The following ZFHX3 variants were observed in gnomAD, a reference collection of about 807,000 sequenced individuals.
ZFHX3 encodes the protein zinc finger homeobox protein 3.
ZFHX3 carries 42 observed loss-of-function variants against 279.1 expected under a neutral mutation model. That is an observed-to-expected ratio of 0.15 (90% CI 0.12 to 0.19). The LOEUF is 0.19. Ranked by LOEUF, ZFHX3 falls within the 10% of genes least tolerant of loss-of-function variation. The probability of loss-of-function intolerance (pLI) is 1.00; values close to 1 mark genes in which losing one functional copy is unlikely to be tolerated. For missense variants in ZFHX3, 4,981 were observed against 4,754.0 expected (o/e 1.05, Z -1.40); for synonymous variants, 2,293 against 1,957.8 (o/e 1.17, Z -4.52).
intron 3 of ZFHX3, among the ~76,000 whole-genome samples, chr16:73,369,749 AG>A (rs1450616246): frequency 6.6e-6 from 1 of 152,218 alleles, no homozygotes; most frequent in Non-Finnish European, 1.5e-5. Flanking sequence ...GATATTAAAA[AG>A]TTCAAGGTGA....
At chr16:72,879,077 T>C (rs1195660324) in intron 4 of ZFHX3, among the ~76,000 whole-genome samples, 1 of 152,150 alleles carries the variant, frequency 6.6e-6, no homozygotes, top group Non-Finnish European at 1.5e-5. Flanking sequence ...AAGCAGGATG[T>C]GACTTGCCCT....
At chr16:73,631,919 T>G (rs990248553) in intron 2 of ZFHX3, among the ~76,000 whole-genome samples, 1 of 109,318 alleles carries the variant, frequency 9.1e-6, no homozygotes, top group African/African-American at 3.2e-5. Flanking sequence ...TCTCTCTCTC[T>G]CTCTCTCTCA....
At chr16:73,670,314 C>T (rs977015750) in intron 2 of ZFHX3, among the ~76,000 whole-genome samples, 2 of 152,182 alleles carry the variant, frequency 1.3e-5, no homozygotes, top group Admixed American at 6.5e-5. Flanking sequence ...AAGAGAGAGG[C>T]CAACACCTCC....
chr16:72,817,424 A>G (rs1334447154), intron 5 of ZFHX3, among the ~76,000 whole-genome samples: 1 of 152,222 alleles, frequency 6.6e-6, no homozygotes, highest in East Asian at 1.9e-4. Context: ...CATCAAAGAT[A>G]AGCCTGAAGA....
rs1469171699 is a variant in ZFHX3, at chr16:73,778,439, G to A, written c.-1607-98199C>T. 2.0e-5 allele frequency among the ~76,000 whole-genome samples: 3 copies of A among 152,148 alleles called. 1 individual carries two copies. Among genetic ancestry groups the A allele is most frequent in the Admixed American group, 2.0e-4 (3 of 15,270 alleles). On this transcript the variant is annotated intron_variant, in intron 1 of 17. Coordinates refer to the ZFHX3 transcript ENST00000641206. ...ACAAAAGTTGTATTGAATGGATGGTGAAAATATTTTGCAAAATAACATGTT... is the reference window on the plus strand; with the variant it reads ...ACAAAAGTTGTATTGAATGGATGGTAAAAATATTTTGCAAAATAACATGTT...
chr16:73,067,566 A>G (rs1325950040), intron 8 of ZFHX3, among the ~76,000 whole-genome samples: 1 of 152,116 alleles, frequency 6.6e-6, no homozygotes, highest in Non-Finnish European at 1.5e-5. Context: ...TGTCCCTGGG[A>G]TCCTGCCCTG....
At chr16:73,765,365 T>C (rs940095296) in intron 1 of ZFHX3, among the ~76,000 whole-genome samples, 2 of 152,186 alleles carry the variant, frequency 1.3e-5, no homozygotes, top group African/African-American at 4.8e-5. Flanking sequence ...TGTGTGTATA[T>C]GGGGGAAATA....
At chr16:73,304,781 CCTCT>C (rs1483818254) in intron 4 of ZFHX3, among the ~76,000 whole-genome samples, 3 of 152,316 alleles carry the variant, frequency 2.0e-5, no homozygotes, top group East Asian at 1.9e-4. Flanking sequence ...CACCGCCTGA[CCTCT>C]CTAAGAGCAG....
intron 1 of ZFHX3, among the ~76,000 whole-genome samples, chr16:73,806,207 G>A (rs1013710177): frequency 1.3e-5 from 2 of 152,150 alleles, no homozygotes; most frequent in African/African-American, 4.8e-5. Context: ...CTTGACACGT[G>A]GGGATTATTA....
intron 9 of ZFHX3, 28 bp from the exon 10 acceptor site, chr16:72,788,876 G>T: frequency 6.6e-7 from 1 of 1,514,500 alleles, no homozygotes; most frequent in Non-Finnish European, 8.8e-7. Flanking sequence ...AGAAATCACC[G>T]GTCAGTCTGG....
chr16:73,857,084 A>G (rs987527039), intron 1 of ZFHX3, among the ~76,000 whole-genome samples: 2 of 152,248 alleles, frequency 1.3e-5, no homozygotes, highest in African/African-American at 4.8e-5. Flanking sequence ...AAGGTAGTCA[A>G]TATTGATTAT....
intron 4 of ZFHX3, among the ~76,000 whole-genome samples, chr16:73,301,497 T>C (rs2015054900): frequency 6.6e-6 from 1 of 152,176 alleles, no homozygotes; most frequent in Admixed American, 6.5e-5. Context: ...AGATGCCTAC[T>C]GGAACCTCCA....
intron 3 of ZFHX3, among the ~76,000 whole-genome samples, chr16:73,371,261 C>T (rs1391393097): frequency 3.3e-5 from 5 of 151,632 alleles, no homozygotes; most frequent in African/African-American, 9.7e-5. Context: ...GAGCCGAGAT[C>T]GCACCACTGC....
chr16:72,856,301 A>G (rs575730353), intron 4 of ZFHX3, among the ~76,000 whole-genome samples: 1 of 152,374 alleles, frequency 6.6e-6, no homozygotes, highest in South Asian at 2.1e-4. Flanking sequence ...TCAGACCACA[A>G]GCCATCAGTA....
At chr16:73,377,129 G>A (rs1227781127) in intron 3 of ZFHX3, among the ~76,000 whole-genome samples, 2 of 151,994 alleles carry the variant, frequency 1.3e-5, no homozygotes, top group Admixed American at 1.3e-4. Flanking sequence ...GTGCCACCAT[G>A]CCTAGCTAAT....
rs571518332 is a variant in ZFHX3 at position 73,467,559 on chromosome 16, G to A, written c.-1546-11301C>T. Among the ~76,000 whole-genome samples the A allele has an allele frequency of 2.6e-5, 4 of 152,364 alleles. No homozygotes were observed. The South Asian group carries it at 6.2e-4, about 24-fold the overall frequency. On this transcript the variant is annotated intron_variant, in intron 2 of 17. Coordinates refer to the ZFHX3 transcript ENST00000641206. The stretch of plus-strand genomic sequence containing the variant: ...AAAATAAAAGCTGGATTGACAGGCA[G>A]AGGGACAAACAGATGGGCAGATTGT...
intron 2 of ZFHX3, among the ~76,000 whole-genome samples, chr16:73,616,874 T>A (rs1208325771): frequency 6.6e-6 from 1 of 152,184 alleles, no homozygotes; most frequent in Non-Finnish European, 1.5e-5. Flanking sequence ...TAAAGCAAGT[T>A]CAAGTGCTAT....
chr16:72,953,266 T>C (rs967989951), intron 2 of ZFHX3, among the ~76,000 whole-genome samples: 1 of 151,206 alleles, frequency 6.6e-6, no homozygotes, highest in African/African-American at 2.4e-5. Context: ...GTCATTCTTT[T>C]TAGGATAAGA....
intron 3 of ZFHX3, among the ~76,000 whole-genome samples, chr16:73,344,270 A>C (rs2016086357): frequency 6.6e-6 from 1 of 152,208 alleles, no homozygotes; most frequent in Non-Finnish European, 1.5e-5. Context: ...CCAAAAATTC[A>C]TCACCTAGAT....
Sources: allele counts gnomAD v4.1 joint callset (sites outside exome capture counted in the v4.1 genomes callset), GRCh38; gene constraint gnomAD v4.1.1; transcripts MANE v1.5; gene names NCBI Gene and HGNC (gene_info 2026-07-23, HGNC 2026-07-21).